The following VEPH1 variants were observed in gnomAD, a reference collection of about 807,000 sequenced individuals.
VEPH1 encodes ventricular zone expressed PH domain containing 1.
In VEPH1, 80 loss-of-function variants were observed where a neutral mutation model predicts 85.2. The ratio of observed to expected loss-of-function variants is 0.94; its 90% confidence interval spans 0.78 to 1.13. The LOEUF (loss-of-function observed/expected upper bound fraction) is 1.13, where lower values mean the gene tolerates loss of function less well. VEPH1 is among the 50% of genes most tolerant of loss of function. The probability of loss-of-function intolerance (pLI) is 0.00; values close to 1 mark genes in which losing one functional copy is unlikely to be tolerated. For missense variants in VEPH1, 955 were observed against 980.5 expected, an observed-to-expected ratio of 0.97 and a Z score of 0.35; for synonymous variants, 297 against 348.0, an observed-to-expected ratio of 0.85 and a Z score of 1.63.
chr3:157,419,322 C>G (rs905247770), intron 5 of VEPH1, among the ~76,000 whole-genome samples: 2 of 152,044 alleles, frequency 1.3e-5, no homozygotes, highest in African/African-American at 4.8e-5. Context: ...AAGCAAAAGA[C>G]AAATGGGATC....
intron 9 of VEPH1, among the ~76,000 whole-genome samples, chr3:157,327,078 C>A (rs1343067279): frequency 6.6e-6 from 1 of 152,146 alleles, no homozygotes; most frequent in Non-Finnish European, 1.5e-5. Flanking sequence ...GGGCATCTCA[C>A]ACCAGTGGGC....
intron 4 of VEPH1, among the ~76,000 whole-genome samples, chr3:157,445,133 A>T (rs941086350): frequency 6.6e-6 from 1 of 152,194 alleles, no homozygotes; most frequent in Non-Finnish European, 1.5e-5. Context: ...TTCAGCAACC[A>T]TCTTAGACCA....
chr3:157,328,765 A>G (rs1459472851), intron 9 of VEPH1, among the ~76,000 whole-genome samples: 1 of 152,234 alleles, frequency 6.6e-6, no homozygotes, highest in African/African-American at 2.4e-5. Flanking sequence ...ATTTTGCTCT[A>G]TTCAAAGCTT....
intron 11 of VEPH1, among the ~76,000 whole-genome samples, chr3:157,312,956 G>A (rs1406657210): frequency 7.2e-6 from 1 of 137,988 alleles, no homozygotes; most frequent in Non-Finnish European, 1.5e-5. Context: ...CCAGGCTGGA[G>A]TGCAGTGGCG....
Position 157,261,099 on chromosome 3 carries a change from G to T in VEPH1, c.*35C>A. ...CATTGGCAATGATAATACAATGCCT[G>T]TGGTGTATAATTGTCATGGCTGACT... On this transcript the variant is annotated 3_prime_UTR_variant, in exon 14 of 14. Coordinates refer to ENST00000362010, the MANE Select transcript of VEPH1 (RefSeq NM_001167912.2). 6.2e-7 allele frequency: 1 copy of T among 1,610,008 alleles called. No homozygotes were observed. The highest frequency in any genetic ancestry group is 1.3e-5 in the African/African-American group (1 of 74,264).
At chr3:157,316,644 A>T (rs1720781742) in intron 10 of VEPH1, among the ~76,000 whole-genome samples, 1 of 151,916 alleles carries the variant, frequency 6.6e-6, no homozygotes, top group African/African-American at 2.4e-5. Flanking sequence ...TATATTCTAT[A>T]GAAAAAAGAG....
chr3:157,352,056 C>G (rs1409647811), intron 9 of VEPH1, among the ~76,000 whole-genome samples: 1 of 152,188 alleles, frequency 6.6e-6, no homozygotes, highest in Admixed American at 6.5e-5. Flanking sequence ...TTTTGATGAA[C>G]TGGCTTTAGT....
rs78772434 is a variant in VEPH1 at position 157,430,493 on chromosome 3, C to T, written c.530-2005G>A. ...CTGTGATTGAAAGACATTATGTTGT[C>T]ATTATTATTCATTGCCTTAATCAAT... is the stretch of plus-strand genomic sequence containing the variant. On this transcript the variant is annotated intron_variant, in intron 4 of 13. Transcript: ENST00000362010. Among the ~76,000 whole-genome samples the T allele has an allele frequency of 8.8e-3, 1,335 of 152,210 alleles. 17 individuals are homozygous for T. Among genetic ancestry groups the T allele is most frequent in the African/African-American group, 0.03 (1,261 of 41,540 alleles).
At chr3:157,295,711 T>C (rs1718040163) in intron 11 of VEPH1, among the ~76,000 whole-genome samples, 1 of 152,126 alleles carries the variant, frequency 6.6e-6, no homozygotes, top group Non-Finnish European at 1.5e-5. Flanking sequence ...TCCCAGCATG[T>C]TGGGAGGCTG....
intron 11 of VEPH1, among the ~76,000 whole-genome samples, chr3:157,292,575 G>A (rs13093524): frequency 0.041 from 6,248 of 151,802 alleles, 202 homozygotes; most frequent in South Asian, 0.086. Flanking sequence ...ACCTATCATC[G>A]TAGCTACTTG....
Position 157,449,089 on chromosome 3 carries a change from A to G in VEPH1, c.529+11092T>C, listed in dbSNP as rs182833339. Reference sequence around the variant, plus strand: ...ACGTGGAACTGTGAGTCCAATAAACATCTTTCTTTTGGAAATTGCCCAGTC... The same window carrying G: ...ACGTGGAACTGTGAGTCCAATAAACGTCTTTCTTTTGGAAATTGCCCAGTC... On this transcript the variant is annotated intron_variant, in intron 4 of 13. Coordinates refer to ENST00000362010, the MANE Select transcript of VEPH1 (RefSeq NM_001167912.2). Among the ~76,000 whole-genome samples the G allele has an allele frequency of 9.0e-4, 137 of 152,288 alleles. 2 individuals carry two copies. The highest frequency in any genetic ancestry group is 3.2e-3 in the African/African-American group (133 of 41,542).
chr3:157,497,632 T>C (rs1739771235), intron 1 of VEPH1, among the ~76,000 whole-genome samples: 1 of 152,156 alleles, frequency 6.6e-6, no homozygotes, highest in Middle Eastern at 3.2e-3. Flanking sequence ...TACATTCAAC[T>C]GCCCCAGTCA....
chr3:157,279,133 A>G (rs1247777283), intron 12 of VEPH1, among the ~76,000 whole-genome samples: 1 of 152,198 alleles, frequency 6.6e-6, no homozygotes, highest in African/African-American at 2.4e-5. Flanking sequence ...CCGCATATAT[A>G]GATCTGGAAG....
intron 4 of VEPH1, chr3:157,436,799 C>A: frequency 9.5e-7 from 1 of 1,048,834 alleles, no homozygotes; most frequent in Non-Finnish European, 1.4e-6. Context: ...TCATTCATCC[C>A]CATTCAGGCT....
At chr3:157,429,689 C>T (rs1417448741) in intron 4 of VEPH1, among the ~76,000 whole-genome samples, 1 of 152,102 alleles carries the variant, frequency 6.6e-6, no homozygotes, top group Non-Finnish European at 1.5e-5. Flanking sequence ...TAATTTTCAA[C>T]AATTTGTTTT....
chr3:157,284,137 A>T (rs1716481167), intron 12 of VEPH1, among the ~76,000 whole-genome samples: 2 of 152,248 alleles, frequency 1.3e-5, no homozygotes, highest in African/African-American at 4.8e-5. Context: ...TATCGTTACC[A>T]TATAATCACA....
intron 9 of VEPH1, among the ~76,000 whole-genome samples, chr3:157,324,386 T>C (rs1437190582): frequency 6.6e-6 from 1 of 152,102 alleles, no homozygotes; most frequent in East Asian, 1.9e-4. Context: ...ATGTGCAGGA[T>C]GTGCAGATTT....
chr3:157,396,511 C>T (rs933542573), intron 6 of VEPH1, among the ~76,000 whole-genome samples: 6 of 152,150 alleles, frequency 3.9e-5, no homozygotes, highest in African/African-American at 4.8e-5. Context: ...TGTAAGGAAT[C>T]GCCACACTGG....
At chr3:157,493,618 T>C (rs142828143) in intron 2 of VEPH1, among the ~76,000 whole-genome samples, 143 of 152,302 alleles carry the variant, frequency 9.4e-4, no homozygotes, top group Admixed American at 6.5e-3. Flanking sequence ...AACTCCTGGC[T>C]CTCCAGAACT....
Sources: allele counts gnomAD v4.1 joint callset (sites outside exome capture counted in the v4.1 genomes callset), GRCh38; gene constraint gnomAD v4.1.1; transcripts MANE v1.5; gene names NCBI Gene and HGNC (gene_info 2026-07-23, HGNC 2026-07-21).